STK32C: variants seen among roughly 807,000 people sequenced by gnomAD.
STK32C encodes serine/threonine-protein kinase 32C.
STK32C carries 31 observed loss-of-function variants against 56.5 expected under a neutral mutation model. That is an observed-to-expected ratio of 0.55 (90% confidence interval 0.41 to 0.74). The LOEUF (loss-of-function observed/expected upper bound fraction) is 0.74, where lower values mean the gene tolerates loss of function less well. STK32C is among the 30% of genes least tolerant of loss of function. STK32C has a pLI of 0.00. For missense variants in STK32C, 544 were observed against 676.9 expected (o/e 0.80, Z 2.18); for synonymous variants, 309 against 289.4 (o/e 1.07, Z -0.69).
At chr10:132,223,041 T>G (rs1030550988) in intron 8 of STK32C, 55 bp from the exon 9 acceptor site, 1 of 1,521,674 alleles carries the variant, frequency 6.6e-7, no homozygotes, top group African/African-American at 1.4e-5. Flanking sequence ...CAGCACGGAA[T>G]AGCCCGCCAC....
At position 132,231,773 on chromosome 10, in the gene STK32C, G is replaced by A. The variant is rs986960555; in HGVS notation, c.319-3645C>T. Reference sequence around the variant, plus strand: ...GGGGGCGAGGGAGTGTGAAGGTGGAGCAGAGGCAGTGATGTGAAGATGCCA... The same window carrying A: ...GGGGGCGAGGGAGTGTGAAGGTGGAACAGAGGCAGTGATGTGAAGATGCCA... On this transcript the variant is annotated intron_variant, in intron 2 of 11. Transcript: ENST00000298630. Among the ~76,000 whole-genome samples, 3 of 152,240 alleles carry A rather than the reference G, an allele frequency of 2.0e-5. No homozygotes were observed. The South Asian group carries it at 6.2e-4, about 32-fold the overall frequency.
At chr10:132,240,055 G>T (rs932631680) in intron 2 of STK32C, among the ~76,000 whole-genome samples, 1 of 152,194 alleles carries the variant, frequency 6.6e-6, no homozygotes, top group Non-Finnish European at 1.5e-5. Flanking sequence ...CATCCTGGTG[G>T]CCTGGAGAGC....
intron 1 of STK32C, among the ~76,000 whole-genome samples, chr10:132,291,795 C>A (rs1205365638): frequency 6.8e-6 from 1 of 147,706 alleles, no homozygotes; most frequent in East Asian, 2.1e-4. Context: ...GCACTGAAGA[C>A]CCTCAGGCTG....
intron 3 of STK32C, 95 bp from the exon 4 acceptor site, chr10:132,227,063 C>G (rs999487568): frequency 2.1e-6 from 3 of 1,399,338 alleles, no homozygotes; most frequent in Non-Finnish European, 2.9e-6. Context: ...GGACCACAGC[C>G]CCACCCCAGC....
chr10:132,252,647 G>T (rs1479656297), intron 1 of STK32C, among the ~76,000 whole-genome samples: 1 of 152,174 alleles, frequency 6.6e-6, no homozygotes, highest in South Asian at 2.1e-4. Flanking sequence ...GGCGTGGGAT[G>T]GACGGAGCGG....
chr10:132,264,610 C>T (rs569142366), intron 1 of STK32C, among the ~76,000 whole-genome samples: 7 of 152,292 alleles, frequency 4.6e-5, no homozygotes, highest in African/African-American at 1.4e-4. Context: ...AGCTGAGGGG[C>T]CAGATGCCAT....
rs375881686 is a variant in STK32C, at chr10:132,239,566, G to A, written c.318+6334C>T. Among the ~76,000 whole-genome samples, 88 of 152,368 alleles carry A rather than the reference G, an allele frequency of 5.8e-4. No homozygotes were observed. The South Asian group carries it at 0.017, about 30-fold the overall frequency. On this transcript the variant is annotated intron_variant, in intron 2 of 11. Coordinates refer to ENST00000298630, the MANE Select transcript of STK32C (RefSeq NM_173575.4). Reference sequence around the variant, plus strand: ...GAGGGCTCCTGCTGCCCTGAGCGGGGTGGCCAGGCAGTGGGCTGGTGAGGA... The same window carrying A: ...GAGGGCTCCTGCTGCCCTGAGCGGGATGGCCAGGCAGTGGGCTGGTGAGGA...
At chr10:132,266,661 G>GT (rs1217403887) in intron 1 of STK32C, among the ~76,000 whole-genome samples, 4 of 152,172 alleles carry the variant, frequency 2.6e-5, no homozygotes, top group African/African-American at 9.6e-5. Context: ...GAGCCCTGGG[G>GT]GAGGAACGAG....
chr10:132,250,358 A>G (rs1565109998), intron 1 of STK32C, among the ~76,000 whole-genome samples: 2 of 123,654 alleles, frequency 1.6e-5, no homozygotes. Context: ...GTCACTGCAG[A>G]GAGGAGAGGG....
intron 2 of STK32C, among the ~76,000 whole-genome samples, chr10:132,232,409 C>T (rs1227815591): frequency 1.3e-5 from 2 of 152,162 alleles, no homozygotes; most frequent in Admixed American, 6.5e-5. Context: ...CTCCAACGAG[C>T]GGTGGCGTAA....
rs1412727154 is a variant in STK32C at position 132,224,328 on chromosome 10, G to C, written c.993+79C>G. 6.8e-6 allele frequency: 7 copies of C among 1,034,070 alleles called. No homozygotes were observed. The Admixed American group carries it at 1.2e-4, about 18-fold the overall frequency. The allele number at this position is 1,034,070 out of a possible 1,614,324, so 64.1% of individuals were successfully genotyped here. ...AAGCGGCACTAACTGTGCACTGGAG[G>C]GGGTGTCCCGAGCCGCAGGTAAGTG... On this transcript the variant is annotated intron_variant, in intron 8 of 11. Transcript: ENST00000298630.
chr10:132,259,076 G>T (rs76850940), intron 1 of STK32C, among the ~76,000 whole-genome samples: 4,920 of 127,022 alleles, frequency 0.039, 130 homozygotes, highest in African/African-American at 0.1. Context: ...GGACAGGGCT[G>T]TGGCTTGGGA....
intron 2 of STK32C, among the ~76,000 whole-genome samples, chr10:132,242,021 A>C (rs1162601493): frequency 6.6e-6 from 1 of 152,004 alleles, no homozygotes; most frequent in Non-Finnish European, 1.5e-5. Flanking sequence ...GAGGAATGAG[A>C]ATCACTTGAA....
chr10:132,300,962 G>A (rs1322286575), intron 1 of STK32C, among the ~76,000 whole-genome samples: 4 of 152,132 alleles, frequency 2.6e-5, no homozygotes, highest in African/African-American at 9.7e-5. Context: ...ACAGCTCAAC[G>A]GAGCTTTTTA....
intron 8 of STK32C, 138 bp from the exon 9 acceptor site, chr10:132,223,124 C>T (rs751091308): frequency 2.2e-5 from 27 of 1,201,288 alleles, no homozygotes; most frequent in Middle Eastern, 2.9e-4. Flanking sequence ...CAGGGCCACG[C>T]GAGGAAGGGT....
chr10:132,299,072 G>A (rs562078894), intron 1 of STK32C, among the ~76,000 whole-genome samples: 38 of 151,022 alleles, frequency 2.5e-4, no homozygotes, highest in Non-Finnish European at 4.9e-4. Context: ...AGCCAAGAGT[G>A]GAACTGAGAC....
At chr10:132,327,289 C>CTT (rs1305530068) in intron 1 of STK32C, among the ~76,000 whole-genome samples, 3 of 152,308 alleles carry the variant, frequency 2.0e-5, no homozygotes, top group Non-Finnish European at 2.9e-5. Flanking sequence ...TAAGATGTGA[C>CTT]TTGCTCCTCC....
At position 132,277,269 on chromosome 10, in the gene STK32C, A is replaced by C. The variant is rs866150364; in HGVS notation, c.262+30303T>G. On this transcript the variant is annotated intron_variant, in intron 1 of 11. Transcript: ENST00000298630. Reference sequence around the variant, plus strand: ...GCCCTCCACGAGAGCCGCTGGAGAGAGAGCCAGGGAGGACACCAGCACCTG... The same window carrying C: ...GCCCTCCACGAGAGCCGCTGGAGAGCGAGCCAGGGAGGACACCAGCACCTG... Among the ~76,000 whole-genome samples, 8 of 152,230 alleles carry C rather than the reference A, an allele frequency of 5.3e-5. No individual in the cohort carries two copies. The South Asian group carries it at 6.2e-4, about 12-fold the overall frequency.
At chr10:132,331,292 T>TG (rs1776502280) in intron 1 of STK32C, 2 of 705,142 alleles carry the variant, frequency 2.8e-6, no homozygotes, top group Non-Finnish European at 4.4e-6. Context: ...GGACAGAGGG[T>TG]GCTACTTTTC....
Sources: allele counts gnomAD v4.1 joint callset (sites outside exome capture counted in the v4.1 genomes callset), GRCh38; gene constraint gnomAD v4.1.1; transcripts MANE v1.5; gene names NCBI Gene and HGNC (gene_info 2026-07-23, HGNC 2026-07-21).